SV2C: variants seen among roughly 807,000 people sequenced by gnomAD.
The protein encoded by SV2C is synaptic vesicle glycoprotein 2C, also known as solute carrier family 22 member B3.
A neutral mutation model predicts 79.7 loss-of-function variants in SV2C; 49 were observed. The ratio of observed to expected loss-of-function variants is 0.61; its 90% confidence interval spans 0.49 to 0.78. The LOEUF (loss-of-function observed/expected upper bound fraction) is 0.78, where lower values mean the gene tolerates loss of function less well. Ranked by LOEUF, SV2C falls within the 30% of genes least tolerant of loss-of-function variation. SV2C has a pLI of 0.00. For synonymous variants in SV2C, 334 were observed against 333.2 expected (o/e 1.00, Z -0.03); for missense variants, 833 against 912.9 (o/e 0.91, Z 1.13).
the SV2C span, among the ~76,000 whole-genome samples, chr5:75,975,615 C>T: frequency 6.6e-6 from 1 of 152,170 alleles, no homozygotes; most frequent in East Asian, 1.9e-4. Context: ...ATCCTGGAAC[C>T]TCTTCTTCTG....
the SV2C span, among the ~76,000 whole-genome samples, chr5:75,986,983 T>C: frequency 6.6e-6 from 1 of 151,878 alleles, no homozygotes; most frequent in Non-Finnish European, 1.5e-5. Flanking sequence ...TTTTAAAAGA[T>C]AGGGGCTTAC....
the SV2C span, among the ~76,000 whole-genome samples, chr5:75,870,890 T>C: frequency 6.6e-6 from 1 of 152,222 alleles, no homozygotes. Flanking sequence ...AGAAATATTT[T>C]CCATTTATTT....
At chr5:76,279,171 G>T (rs1213701672) in intron 4 of SV2C, among the ~76,000 whole-genome samples, 1 of 152,174 alleles carries the variant, frequency 6.6e-6, no homozygotes, top group African/African-American at 2.4e-5. Flanking sequence ...TGATAGTGTG[G>T]CAGGAAACCA....
At chr5:75,957,032 T>C in the SV2C span, among the ~76,000 whole-genome samples, 1 of 151,956 alleles carries the variant, frequency 6.6e-6, no homozygotes, top group Admixed American at 6.6e-5. Context: ...TAGTTGCAAC[T>C]GATTCATGAA....
At chr5:76,068,196 A>G in the SV2C span, among the ~76,000 whole-genome samples, 3 of 152,182 alleles carry the variant, frequency 2.0e-5, no homozygotes, top group African/African-American at 7.2e-5. Flanking sequence ...TCAGTTTGAC[A>G]TAAATATTAT....
chr5:76,036,068 C>A, the SV2C span, among the ~76,000 whole-genome samples: 2 of 151,840 alleles, frequency 1.3e-5, no homozygotes, highest in Non-Finnish European at 2.9e-5. Flanking sequence ...GATTGCAACC[C>A]CTGCCTTTTT....
chr5:76,057,099 G>T, the SV2C span, among the ~76,000 whole-genome samples: 1 of 152,112 alleles, frequency 6.6e-6, no homozygotes, highest in East Asian at 1.9e-4. Flanking sequence ...GTATTGATTT[G>T]AGATCTTTTC....
chr5:76,251,926 T>C (rs1388736710), intron 4 of SV2C, among the ~76,000 whole-genome samples: 1 of 152,204 alleles, frequency 6.6e-6, no homozygotes, highest in Middle Eastern at 3.2e-3. Context: ...AATTTGAGTT[T>C]ACAAAACACT....
At chr5:75,941,306 C>A in the SV2C span, among the ~76,000 whole-genome samples, 1 of 152,160 alleles carries the variant, frequency 6.6e-6, no homozygotes, top group Non-Finnish European at 1.5e-5. Context: ...AGATAGAATT[C>A]TTAATCAAAA....
At chr5:75,964,733 C>G in the SV2C span, among the ~76,000 whole-genome samples, 1 of 152,194 alleles carries the variant, frequency 6.6e-6, no homozygotes, top group Non-Finnish European at 1.5e-5. Flanking sequence ...AATCTCTAAT[C>G]TAATCAAGTC....
At chr5:76,036,876 G>T in the SV2C span, among the ~76,000 whole-genome samples, 6 of 152,260 alleles carry the variant, frequency 3.9e-5, no homozygotes, top group South Asian at 6.2e-4. Context: ...TCACTTTCAG[G>T]TACACCAATC....
chr5:76,252,588 AT>A (rs762263611), intron 4 of SV2C, among the ~76,000 whole-genome samples: 4 of 152,262 alleles, frequency 2.6e-5, no homozygotes, highest in Non-Finnish European at 5.9e-5. Flanking sequence ...CAAAGAGGTG[AT>A]TCAAAATATT....
In SV2C at chr5:76,276,481, A is replaced by G. The variant is rs535890484; in HGVS notation, c.914-8681A>G. Among the ~76,000 whole-genome samples, 9 of 152,256 alleles carry G rather than the reference A, an allele frequency of 5.9e-5. No homozygotes were observed. The South Asian group carries it at 1.5e-3, about 25-fold the overall frequency. Reference sequence around the variant, plus strand: ...CTCCCAAGCAGCTGGGACTACAGGCATGTGCCTGGCTAACTTTTGTATTTC... The same window carrying G: ...CTCCCAAGCAGCTGGGACTACAGGCGTGTGCCTGGCTAACTTTTGTATTTC... On this transcript the variant is annotated intron_variant, in intron 4 of 12. Transcript: ENST00000502798.
At chr5:76,002,170 G>GTATATA in the SV2C span, among the ~76,000 whole-genome samples, 331 of 150,430 alleles carry the variant, frequency 2.2e-3, 1 homozygote, top group African/African-American at 7.7e-3. Context: ...TTTTGTGTGT[G>GTATATA]TATATATATA....
At chr5:76,082,575 T>TTTTC (rs148669552), upstream of SV2C, among the ~76,000 whole-genome samples, 77 of 150,476 alleles carry the variant, frequency 5.1e-4, no homozygotes, top group Middle Eastern at 6.8e-3. Context: ...TTCTTTCTCT[T>TTTTC]TTTCTTTCTT....
At chr5:75,894,534 C>G in the SV2C span, among the ~76,000 whole-genome samples, 1 of 152,014 alleles carries the variant, frequency 6.6e-6, no homozygotes, top group East Asian at 1.9e-4. Flanking sequence ...GCTCCATTGA[C>G]AGAGAATTGT....
At chr5:76,283,745 C>T (rs1747264255) in intron 4 of SV2C, among the ~76,000 whole-genome samples, 1 of 152,136 alleles carries the variant, frequency 6.6e-6, no homozygotes, top group South Asian at 2.1e-4. Flanking sequence ...ATTAATATAG[C>T]ATGTCATTGA....
the SV2C span, among the ~76,000 whole-genome samples, chr5:76,034,490 G>T: frequency 1.7e-3 from 259 of 152,260 alleles, 1 homozygote; most frequent in Admixed American, 4.5e-3. Context: ...GGCCTTTTCT[G>T]CATCTGTTGA....
At chr5:76,321,139 C>T (rs887539612) in intron 12 of SV2C, among the ~76,000 whole-genome samples, 4 of 151,966 alleles carry the variant, frequency 2.6e-5, no homozygotes, top group African/African-American at 9.7e-5. Flanking sequence ...AGAGTCCACA[C>T]GTTATGGAAA....
Sources: gnomAD v4.1 joint callset for allele counts (sites outside exome capture counted in the v4.1 genomes callset) on GRCh38, gnomAD v4.1.1 for gene constraint, MANE v1.5 for transcripts, NCBI Gene and HGNC (gene_info 2026-07-23, HGNC 2026-07-21) for gene names.